Variants in CFAP69 observed in about 807,000 individuals in gnomAD.
CFAP69 encodes cilia- and flagella-associated protein 69.
In CFAP69, 92 loss-of-function variants were observed where a neutral mutation model predicts 123.0. The observed-to-expected ratio is 0.75, with a 90% CI of 0.63 to 0.89. The LOEUF is 0.89. Ranked by LOEUF, CFAP69 falls within the 40% of genes least tolerant of loss-of-function variation. CFAP69 has a pLI of 0.00. For missense variants in CFAP69, 1,067 were observed against 1,096.9 expected (o/e 0.97, Z 0.39); for synonymous variants, 380 against 364.3 (o/e 1.04, Z -0.49).
At chr7:90,294,158 C>T (rs1791594161) in intron 15 of CFAP69, among the ~76,000 whole-genome samples, 1 of 152,140 alleles carries the variant, frequency 6.6e-6, no homozygotes, top group African/African-American at 2.4e-5. Context: ...ATGTCCCCAG[C>T]CCTATCTACA....
At chr7:90,300,406 A>C (rs1792619303) in intron 17 of CFAP69, 1 of 867,290 alleles carries the variant, frequency 1.2e-6, no homozygotes, top group Admixed American at 6.2e-5. Flanking sequence ...GCTTCAAAAT[A>C]ATATTTTGGT....
Position 90,248,501 on chromosome 7 carries a change from T to A in CFAP69, c.120+2957T>A, listed in dbSNP as rs147329579. ...AAATGATATTCACAGAGTATTAGAT[T>A]TTTCTAACTTTAATAACTTTGAAAT... On this transcript the variant is annotated intron_variant, in intron 1 of 22. Transcript: ENST00000389297. Among the ~76,000 whole-genome samples, 434 of 152,306 alleles carry A rather than the reference T, an allele frequency of 2.8e-3. 2 individuals carry two copies. Among genetic ancestry groups the A allele is most frequent in the African/African-American group, 0.01 (425 of 41,566 alleles).
At chr7:90,279,081 A>G (rs1318803010) in intron 11 of CFAP69, among the ~76,000 whole-genome samples, 2 of 152,148 alleles carry the variant, frequency 1.3e-5, no homozygotes, top group East Asian at 3.8e-4. Flanking sequence ...TATTAAAATG[A>G]TGGGTTCAAT....
intron 19 of CFAP69, among the ~76,000 whole-genome samples, 153 bp from the exon 20 acceptor site, chr7:90,306,748 C>T (rs2117438676): frequency 6.6e-6 from 1 of 152,242 alleles, no homozygotes; most frequent in East Asian, 1.9e-4. Context: ...AGCTGGTACC[C>T]TCAATCATTC....
chr7:90,274,093 C>T lies in CFAP69; in HGVS notation c.967C>T (p.Pro323Ser). The T allele has an allele frequency of 1.3e-6, 2 of 1,594,156 alleles. No individual in the cohort carries two copies. Among genetic ancestry groups the T allele is most frequent in the Non-Finnish European group, 1.7e-6 (2 of 1,173,662 alleles). ...LVITTIIAQN[P>S]EAPMIECGFT... ...GATCACTACAATTATAGCTCAAAAT[C>T]CTGAAGCACCAATGATTGTAAGTAT... The change falls in exon 9 of 23, where the codon CCT (proline) becomes TCT (serine). Residue 323 changes from proline to serine, a missense_variant. By Grantham distance (74) the Pro-to-Ser change is moderately conservative (BLOSUM62 -1). Coordinates refer to ENST00000389297, the MANE Select transcript of CFAP69 (RefSeq NM_001039706.3).
chr7:90,299,919 G>A lies in CFAP69; in HGVS notation c.1910G>A (p.Cys637Tyr). The A allele has an allele frequency of 6.2e-7, 1 of 1,609,882 alleles. No homozygotes were observed. Among genetic ancestry groups the A allele is most frequent in the South Asian group, 1.1e-5 (1 of 90,488 alleles). The change falls in exon 17 of 23, where the codon TGT becomes TAT. Residue 637 changes from cysteine (C) to tyrosine (Y), a missense_variant. Coordinates refer to ENST00000389297, the MANE Select transcript of CFAP69 (RefSeq NM_001039706.3). Reference protein sequence around the residue: ...NLILGIMVEFCDNPKTAAHVN... With the variant: ...NLILGIMVEFYDNPKTAAHVN... ...ATACTTGGAATAATGGTTGAATTTT[G>A]TGATAATCCCAAAACTGCAGCTCAT...
intron 9 of CFAP69, among the ~76,000 whole-genome samples, chr7:90,275,519 G>A (rs1788452491): frequency 6.9e-6 from 1 of 145,618 alleles, no homozygotes; most frequent in Admixed American, 6.9e-5. Context: ...AGGCCACTAA[G>A]ACCACAGGGT....
chr7:90,315,634 G>A (rs1794733612), downstream of CFAP69, among the ~76,000 whole-genome samples: 1 of 152,084 alleles, frequency 6.6e-6, no homozygotes, highest in African/African-American at 2.4e-5. Flanking sequence ...AGAGGATCAG[G>A]AAAAATAACT....
intron 4 of CFAP69, among the ~76,000 whole-genome samples, chr7:90,262,931 T>C (rs902498086): frequency 6.6e-6 from 1 of 152,114 alleles, no homozygotes; most frequent in African/African-American, 2.4e-5. Context: ...CAAAATAATA[T>C]ATTGAATGCC....
At chr7:90,315,144 A>G (rs1239617545), downstream of CFAP69, among the ~76,000 whole-genome samples, 1 of 148,664 alleles carries the variant, frequency 6.7e-6, no homozygotes, top group Non-Finnish European at 1.5e-5. Flanking sequence ...GAATGCTTAT[A>G]CACTGTTGCT....
intron 3 of CFAP69, among the ~76,000 whole-genome samples, chr7:90,259,284 C>T (rs755773460): frequency 1.3e-5 from 2 of 151,954 alleles, no homozygotes; most frequent in Non-Finnish European, 2.9e-5. Context: ...TGGTGTGTGC[C>T]CATATTCCTA....
In CFAP69 at chr7:90,282,996, C is replaced by T. The variant is rs1350997772; in HGVS notation, c.1477C>T (p.Leu493Phe). ...AAGACTCCTGAGAGCCGTGGTCTAC[C>T]TTGAAGATGAGACTGTAAACAAAGA... ...SLRLLRAVVY[L>F]EDETVNKDLC... Residue 493 changes from leucine (L) to phenylalanine (F), a missense_variant, in exon 13 of 23, where the codon CTT becomes TTT. By Grantham distance (22) the Leu-to-Phe change is conservative. Transcript: ENST00000389297. 6.3e-7 allele frequency: 1 copy of T among 1,590,806 alleles called. No individual in the cohort carries two copies. Among genetic ancestry groups the T allele is most frequent in the Admixed American group, 1.8e-5 (1 of 56,442 alleles).
chr7:90,294,936 G>A (rs1791712620), intron 15 of CFAP69, among the ~76,000 whole-genome samples: 1 of 152,182 alleles, frequency 6.6e-6, no homozygotes, highest in Non-Finnish European at 1.5e-5. Flanking sequence ...GCAGTGTGGG[G>A]AAGGTGAGGT....
chr7:90,294,066 T>G (rs1356689174), intron 15 of CFAP69, among the ~76,000 whole-genome samples: 1 of 152,240 alleles, frequency 6.6e-6, no homozygotes, highest in Non-Finnish European at 1.5e-5. Context: ...GACAAGAATC[T>G]ACCATACAAG....
chr7:90,317,439 T>C, the CFAP69 span: 3 of 150,548 alleles, frequency 2.0e-5, no homozygotes, highest in African/African-American at 7.3e-5. Context: ...CCAGTTGATT[T>C]TCTGAGCTTA....
At chr7:90,286,520 A>G in intron 14 of CFAP69, 121 bp downstream of exon 14, 1 of 1,005,974 alleles carries the variant, frequency 9.9e-7, no homozygotes, top group South Asian at 1.5e-5. Flanking sequence ...GTTAATAATT[A>G]GAGCATAATT....
intron 13 of CFAP69, among the ~76,000 whole-genome samples, chr7:90,284,768 G>A (rs1044582529): frequency 6.6e-6 from 1 of 152,176 alleles, no homozygotes; most frequent in African/African-American, 2.4e-5. Context: ...ATGGTGATGT[G>A]TTCAGAACTA....
At chr7:90,309,448 C>A in intron 22 of CFAP69, 81 bp downstream of exon 22, 2 of 711,370 alleles carry the variant, frequency 2.8e-6, no homozygotes, top group Non-Finnish European at 2.2e-6. Flanking sequence ...ATACTGAAAA[C>A]CATTGAATTT....
chr7:90,310,052 C>G lies in CFAP69; in HGVS notation c.2656-16C>G. Reference sequence around the variant, plus strand: ...GTGTAAATGGACTTTTAGATATTTACCTTTTGCCTTTTTAGGTGCCCTCTG... The same window carrying G: ...GTGTAAATGGACTTTTAGATATTTAGCTTTTGCCTTTTTAGGTGCCCTCTG... On this transcript the variant is annotated splice_polypyrimidine_tract_variant and intron_variant, in intron 22 of 22. Coordinates refer to ENST00000389297, the MANE Select transcript of CFAP69 (RefSeq NM_001039706.3). 6.3e-7 allele frequency: 1 copy of G among 1,597,074 alleles called. No homozygotes were observed. Among genetic ancestry groups the G allele is most frequent in the Non-Finnish European group, 8.5e-7 (1 of 1,170,846 alleles).
Sources: allele counts gnomAD v4.1 joint callset (sites outside exome capture counted in the v4.1 genomes callset), GRCh38; gene constraint gnomAD v4.1.1; transcripts MANE v1.5; gene names NCBI Gene and HGNC (gene_info 2026-07-23, HGNC 2026-07-21).